Variants in ANXA1 observed in about 807,000 individuals in gnomAD.
The protein encoded by ANXA1 is annexin I (lipocortin I).
A neutral mutation model predicts 47.9 loss-of-function variants in ANXA1; 39 were observed. The ratio of observed to expected loss-of-function variants is 0.81; its 90% confidence interval spans 0.63 to 1.06. The LOEUF is 1.06. Ranked by LOEUF, ANXA1 falls within the 50% of genes least tolerant of loss-of-function variation. The pLI, the probability that ANXA1 is intolerant of heterozygous loss-of-function variation, is 0.00. For synonymous variants in ANXA1, 146 were observed against 142.5 expected, an observed-to-expected ratio of 1.02 and a Z score of -0.17; for missense variants, 446 against 422.7, an observed-to-expected ratio of 1.06 and a Z score of -0.48.
At position 73,158,510 on chromosome 9, in the gene ANXA1, T is replaced by C; in HGVS notation, c.-14-12T>C. 6.2e-7 allele frequency: 1 copy of C among 1,610,196 alleles called. No homozygotes were observed. The highest frequency in any genetic ancestry group is 8.5e-7 in the Non-Finnish European group (1 of 1,177,182). On this transcript the variant is annotated splice_polypyrimidine_tract_variant and intron_variant, in intron 1 of 12. Transcript: ENST00000257497. ...TTTGTTTTGTAAAAGCATCTAACTG[T>C]TTTCTTTCCAGACACTTTTTCAAAA...
Position 73,158,442 on chromosome 9 carries a change from T to A in ANXA1, c.-14-80T>A, listed in dbSNP as rs554203401. 5 of 1,059,670 alleles carry A rather than the reference T, an allele frequency of 4.7e-6. No individual in the cohort carries two copies. The South Asian group carries it at 6.6e-5, about 14-fold the overall frequency. The allele number at this position is 1,059,670 out of a possible 1,614,324, so 65.6% of individuals were successfully genotyped here. A position where few individuals can be genotyped will look rare whatever the true frequency, so the allele number is the denominator to read the frequency against. ...AAGGCTACTCTCTAATGCTAACTCT[T>A]ATGTATGTAAGAGGTGAGGAAGGAG... On this transcript the variant is annotated intron_variant, in intron 1 of 12. Transcript: ENST00000257497.
intron 10 of ANXA1, among the ~76,000 whole-genome samples, chr9:73,166,402 TAGAG>T (rs1824230501): frequency 1.3e-5 from 2 of 152,190 alleles, no homozygotes; most frequent in African/African-American, 2.4e-5. Flanking sequence ...TTTTCAAAAA[TAGAG>T]AGAGATAGAC....
chr9:73,167,641 C>A, intron 11 of ANXA1, 86 bp downstream of exon 11: 1 of 1,216,048 alleles, frequency 8.2e-7, no homozygotes, highest in Non-Finnish European at 1.2e-6. Context: ...TTGAAAATCT[C>A]ACATTTAATA....
chr9:73,153,475 T>C (rs1824002043), intron 1 of ANXA1, among the ~76,000 whole-genome samples: 1 of 152,216 alleles, frequency 6.6e-6, no homozygotes, highest in South Asian at 2.1e-4. Context: ...GCTAATTTTC[T>C]TCATCTTCAT....
intron 11 of ANXA1, 110 bp downstream of exon 11, chr9:73,167,665 G>T: frequency 1.0e-6 from 1 of 997,570 alleles, no homozygotes; most frequent in South Asian, 1.5e-5. Flanking sequence ...TCCCATTAAT[G>T]AGAATCATTG....
chr9:73,158,670 T>G (rs751990285), intron 2 of ANXA1, 25 bp from the exon 3 acceptor site: 2 of 1,609,950 alleles, frequency 1.2e-6, no homozygotes, highest in South Asian at 1.1e-5. Flanking sequence ...AAATGGCCAT[T>G]AATTTATTTC....
chr9:73,160,747 T>G (rs1824128266), intron 5 of ANXA1, 56 bp from the exon 6 acceptor site: 1 of 1,352,772 alleles, frequency 7.4e-7, no homozygotes, highest in East Asian at 2.3e-5. Flanking sequence ...AACTCATTGA[T>G]CCTCTTGCAT....
intron 9 of ANXA1, 41 bp from the exon 10 acceptor site, chr9:73,166,056 A>C: frequency 6.8e-7 from 1 of 1,471,060 alleles, no homozygotes; most frequent in South Asian, 1.2e-5. Flanking sequence ...TCTAAAGAAA[A>C]GGATGTTTTG....
At chr9:73,164,011 T>C (rs1824186914) in intron 8 of ANXA1, among the ~76,000 whole-genome samples, 1 of 152,192 alleles carries the variant, frequency 6.6e-6, no homozygotes, top group Non-Finnish European at 1.5e-5. Flanking sequence ...ATATGCTTTC[T>C]AACATATTGT....
intron 8 of ANXA1, 95 bp from the exon 9 acceptor site, chr9:73,165,021 G>A (rs1357511975): frequency 1.1e-6 from 1 of 937,266 alleles, no homozygotes; most frequent in Non-Finnish European, 1.7e-6. Flanking sequence ...TGGGCACAAA[G>A]CGATTGCCTA....
intron 5 of ANXA1, among the ~76,000 whole-genome samples, 185 bp downstream of exon 5, chr9:73,160,561 C>T (rs899973995): frequency 1.2e-4 from 18 of 152,158 alleles, no homozygotes; most frequent in Non-Finnish European, 5.9e-5. Flanking sequence ...TTGGCACTAA[C>T]ACCTTCCATG....
chr9:73,166,258 T>C, intron 10 of ANXA1, 66 bp downstream of exon 10: 1 of 1,156,626 alleles, frequency 8.6e-7, no homozygotes. Flanking sequence ...TATCCTATAC[T>C]TAACAAGAAC....
In ANXA1 at chr9:73,167,485, C is replaced by G; in HGVS notation, c.803-12C>G. ...TGGTAAATACATCAACTAAAATTTT[C>G]TTCTCTAACAGTGAAGTGCGCCACA... On this transcript the variant is annotated splice_polypyrimidine_tract_variant and intron_variant, in intron 10 of 12. Transcript: ENST00000257497. 1 of 1,608,678 alleles carries G rather than the reference C, an allele frequency of 6.2e-7. No homozygotes were observed. Among genetic ancestry groups the G allele is most frequent in the Non-Finnish European group, 8.5e-7 (1 of 1,178,166 alleles).
chr9:73,155,079 C>T (rs1157486041), intron 1 of ANXA1, among the ~76,000 whole-genome samples: 3 of 152,128 alleles, frequency 2.0e-5, no homozygotes, highest in East Asian at 3.8e-4. Context: ...AAAATTGCTA[C>T]GCTTTAGAAA....
At chr9:73,155,124 G>A (rs1183247102) in intron 1 of ANXA1, among the ~76,000 whole-genome samples, 1 of 152,208 alleles carries the variant, frequency 6.6e-6, no homozygotes, top group Non-Finnish European at 1.5e-5. Context: ...GCTGACATTA[G>A]TAGGCAGTGC....
chr9:73,165,170 A>G lies in ANXA1; in HGVS notation c.667A>G (p.Thr223Ala). 6.2e-7 allele frequency: 1 copy of G among 1,612,840 alleles called. No individual in the cohort carries two copies. Among genetic ancestry groups the G allele is most frequent in the Non-Finnish European group, 8.5e-7 (1 of 1,179,122 alleles). ...RKGTDVNVFN[T>A]ILTTRSYPQL... ...GGGGACAGACGTAAACGTGTTCAATACCATCCTTACCACCAGAAGCTATCC... is the reference window on the plus strand; with the variant it reads ...GGGGACAGACGTAAACGTGTTCAATGCCATCCTTACCACCAGAAGCTATCC... The change falls in exon 9 of 13, where the codon ACC (threonine) becomes GCC (alanine). Residue 223 changes from threonine to alanine, a missense_variant. Transcript: ENST00000257497.
intron 6 of ANXA1, 110 bp from the exon 7 acceptor site, chr9:73,162,672 G>T: frequency 1.6e-6 from 1 of 633,308 alleles, no homozygotes; most frequent in South Asian, 3.0e-5. Flanking sequence ...TGTTCCATAA[G>T]TCATTGAACA....
chr9:73,164,548 T>C (rs1824195083), intron 8 of ANXA1, among the ~76,000 whole-genome samples: 1 of 152,066 alleles, frequency 6.6e-6, no homozygotes. Context: ...AGAATGATGG[T>C]AGTCAACATT....
Position 73,158,708 on chromosome 9 carries a change from C to A in ANXA1, c.80C>A (p.Ser27Ter). 3.7e-6 allele frequency: 6 copies of A among 1,613,796 alleles called. No homozygotes were observed. The highest frequency in any genetic ancestry group is 1.1e-5 in the South Asian group (1 of 91,064). ...EEQEYVQTVK[S>*]SKGGPGSAVS... is the part of the protein sequence containing the mutation. ...TCTCATTCTTAGCAAACTGTGAAGT[C>A]ATCCAAAGGTGGTCCCGGATCAGCG... Residue 27 changes from serine (S) to a stop codon, truncating the protein, a stop_gained, in exon 3 of 13, where the codon TCA becomes TAA. Coordinates refer to ENST00000257497, the MANE Select transcript of ANXA1 (RefSeq NM_000700.3). LOFTEE classifies it high-confidence loss of function.
Sources: allele counts gnomAD v4.1 joint callset (sites outside exome capture counted in the v4.1 genomes callset), GRCh38; gene constraint gnomAD v4.1.1; transcripts MANE v1.5; gene names NCBI Gene and HGNC (gene_info 2026-07-23, HGNC 2026-07-21).